Variants in CHL1 observed in about 807,000 individuals in gnomAD.
CHL1 encodes the protein cell adhesion molecule L1 like.
A neutral mutation model predicts 141.9 loss-of-function variants in CHL1; 96 were observed. That is an observed-to-expected ratio of 0.68 (90% CI 0.57 to 0.80). The LOEUF (loss-of-function observed/expected upper bound fraction) is 0.80, where lower values mean the gene tolerates loss of function less well. CHL1 is among the 30% of genes least tolerant of loss of function. The probability of loss-of-function intolerance (pLI) is 0.00; values close to 1 mark genes in which losing one functional copy is unlikely to be tolerated. For synonymous variants in CHL1, 613 were observed against 502.2 expected, an observed-to-expected ratio of 1.22 and a Z score of -2.95; for missense variants, 1,820 against 1,457.2, an observed-to-expected ratio of 1.25 and a Z score of -4.05.
chr3:214,120 C>T (rs1700113081), intron 1 of CHL1, among the ~76,000 whole-genome samples: 1 of 152,174 alleles, frequency 6.6e-6, no homozygotes, highest in Non-Finnish European at 1.5e-5. Context: ...TCATAGGGCT[C>T]TTTGGTGCCA....
chr3:211,412 G>C (rs1030336903), intron 1 of CHL1, among the ~76,000 whole-genome samples: 2 of 152,184 alleles, frequency 1.3e-5, no homozygotes, highest in Non-Finnish European at 2.9e-5. Context: ...CAGCAGTAGA[G>C]CTTTCTTGAG....
At position 387,171 on chromosome 3, in the gene CHL1, A is replaced by G. The variant is rs1707806085; in HGVS notation, c.2248-2081A>G. 2.0e-5 allele frequency among the ~76,000 whole-genome samples: 3 copies of G among 152,324 alleles called. No homozygotes were observed. The South Asian group carries it at 6.2e-4, about 32-fold the overall frequency. ...TGTTGGACGTGCAAGCTCTTTTTCT[A>G]GAAAATTACACACAAAAAGTCATAC... On this transcript the variant is annotated intron_variant, in intron 19 of 27. Transcript: ENST00000256509.
intron 24 of CHL1, 39 bp from the exon 25 acceptor site, chr3:398,188 G>C (rs1200612843): frequency 1.5e-6 from 2 of 1,372,464 alleles, no homozygotes; most frequent in East Asian, 2.5e-5. Flanking sequence ...GTTTTTCCAT[G>C]ATTACAATTC....
At chr3:228,266 A>G (rs1177959577) in intron 1 of CHL1, among the ~76,000 whole-genome samples, 2 of 152,222 alleles carry the variant, frequency 1.3e-5, no homozygotes, top group Non-Finnish European at 2.9e-5. Flanking sequence ...TCTTTTACCC[A>G]GGTGATGTGC....
intron 22 of CHL1, among the ~76,000 whole-genome samples, chr3:391,371 C>T (rs1170354416): frequency 1.3e-5 from 2 of 152,050 alleles, no homozygotes; most frequent in Non-Finnish European, 2.9e-5. Context: ...CAAAAATTAG[C>T]CAGATGTAGT....
chr3:264,471 C>T (rs1162285834), intron 2 of CHL1, among the ~76,000 whole-genome samples: 2 of 152,092 alleles, frequency 1.3e-5, no homozygotes, highest in Admixed American at 1.3e-4. Flanking sequence ...GCTGGGAATT[C>T]GCCTCTTTAA....
chr3:273,887 T>G (rs909058178), intron 2 of CHL1, among the ~76,000 whole-genome samples: 1 of 151,434 alleles, frequency 6.6e-6, no homozygotes, highest in Non-Finnish European at 1.5e-5. Flanking sequence ...AGATAATTCT[T>G]TCTGAAATAC....
At chr3:399,496 C>T (rs1029686186) in intron 26 of CHL1, among the ~76,000 whole-genome samples, 2 of 151,972 alleles carry the variant, frequency 1.3e-5, no homozygotes, top group Admixed American at 6.6e-5. Context: ...AAAAATTAGC[C>T]GGGCATGGTG....
intron 26 of CHL1, 112 bp downstream of exon 26, chr3:399,260 C>G (rs1222714231): frequency 8.7e-6 from 7 of 802,740 alleles, no homozygotes; most frequent in South Asian, 4.9e-5. Context: ...TTTATATTAG[C>G]AAGTTAGATG....
At chr3:228,536 A>G (rs561233619) in intron 1 of CHL1, among the ~76,000 whole-genome samples, 17 of 152,170 alleles carry the variant, frequency 1.1e-4, no homozygotes, top group Non-Finnish European at 2.4e-4. Context: ...GACTACACTT[A>G]GGTTACTTTC....
At chr3:224,272 A>G (rs190048671) in intron 1 of CHL1, among the ~76,000 whole-genome samples, 3 of 152,294 alleles carry the variant, frequency 2.0e-5, no homozygotes, top group East Asian at 1.9e-4. Context: ...AGCTTGGCCT[A>G]TGTCGAGGAA....
chr3:296,176 C>G (rs1267326299), intron 2 of CHL1, among the ~76,000 whole-genome samples: 1 of 152,120 alleles, frequency 6.6e-6, no homozygotes. Context: ...CCCGTACGCA[C>G]TTAGTAGATA....
rs184165657 is a variant in CHL1 at position 338,561 on chromosome 3, T to C, written c.386-2233T>C. On this transcript the variant is annotated intron_variant, in intron 5 of 27. Coordinates refer to ENST00000256509, the MANE Select transcript of CHL1 (RefSeq NM_006614.4). ...CTTTTTATCGTGCCATCAAACTCACTAAATAGTTTCAGAGTCAAAGGATAA... is the reference window on the plus strand; with the variant it reads ...CTTTTTATCGTGCCATCAAACTCACCAAATAGTTTCAGAGTCAAAGGATAA... Among the ~76,000 whole-genome samples the C allele has an allele frequency of 2.8e-3, 427 of 151,464 alleles. 1 individual carries two copies. Among genetic ancestry groups the C allele is most frequent in the African/African-American group, 7.0e-3 (286 of 40,778 alleles).
chr3:305,602 C>T (rs1206123865), intron 2 of CHL1, among the ~76,000 whole-genome samples: 1 of 151,672 alleles, frequency 6.6e-6, no homozygotes, highest in Non-Finnish European at 1.5e-5. Context: ...CTATAGATAA[C>T]ACCCTATAAC....
chr3:307,046 A>C (rs1699298938), intron 2 of CHL1, among the ~76,000 whole-genome samples: 1 of 152,182 alleles, frequency 6.6e-6, no homozygotes, highest in South Asian at 2.1e-4. Flanking sequence ...ATTTTCTGAC[A>C]ATGATTCCAT....
At chr3:367,255 C>T (rs1313280887) in intron 15 of CHL1, among the ~76,000 whole-genome samples, 1 of 152,158 alleles carries the variant, frequency 6.6e-6, no homozygotes, top group Non-Finnish European at 1.5e-5. Flanking sequence ...CCAAATCTCC[C>T]CTCTCATTAA....
intron 2 of CHL1, among the ~76,000 whole-genome samples, chr3:305,760 G>T (rs143828823): frequency 4.3e-4 from 65 of 151,662 alleles, no homozygotes; most frequent in African/African-American, 1.4e-3. Flanking sequence ...ATGTTTTCTG[G>T]CAGGGATGGG....
rs142795469 is a variant in CHL1, at chr3:228,403, G to A, written c.-174-16210G>A. Among the ~76,000 whole-genome samples, 321 of 152,070 alleles carry A rather than the reference G, an allele frequency of 2.1e-3. 1 individual carries two copies. Among genetic ancestry groups the A allele is most frequent in the African/African-American group, 7.1e-3 (294 of 41,474 alleles). ...TCTTAAACTTTGCACAACTTTTTAT[G>A]TAGATATTAAGTGTTCAAGGGGATC... On this transcript the variant is annotated intron_variant, in intron 1 of 27. Coordinates refer to ENST00000256509, the MANE Select transcript of CHL1 (RefSeq NM_006614.4).
At chr3:223,387 C>A (rs1701033397) in intron 1 of CHL1, among the ~76,000 whole-genome samples, 1 of 152,138 alleles carries the variant, frequency 6.6e-6, no homozygotes, top group Non-Finnish European at 1.5e-5. Flanking sequence ...TGTGTGAGGA[C>A]TATACCATCT....
Sources: allele counts gnomAD v4.1 joint callset (sites outside exome capture counted in the v4.1 genomes callset), GRCh38; gene constraint gnomAD v4.1.1; transcripts MANE v1.5; gene names NCBI Gene and HGNC (gene_info 2026-07-23, HGNC 2026-07-21).